ADCY5: variants seen among roughly 807,000 people sequenced by gnomAD.
ADCY5 encodes the protein adenylate cyclase type 5.
ADCY5 carries 30 observed loss-of-function variants against 119.7 expected under a neutral mutation model. The ratio of observed to expected loss-of-function variants is 0.25; its 90% CI spans 0.19 to 0.34. The LOEUF (loss-of-function observed/expected upper bound fraction) is 0.34, where lower values mean the gene tolerates loss of function less well. ADCY5 is among the 10% of genes least tolerant of loss of function. ADCY5 has a pLI of 1.00. For synonymous variants in ADCY5, 753 were observed against 762.2 expected, an observed-to-expected ratio of 0.99 and a Z score of 0.20; for missense variants, 1,324 against 1,775.2, an observed-to-expected ratio of 0.75 and a Z score of 4.57.
At chr3:123,415,359 G>C (rs1306588358) in intron 1 of ADCY5, among the ~76,000 whole-genome samples, 2 of 152,194 alleles carry the variant, frequency 1.3e-5, no homozygotes, top group East Asian at 1.9e-4. Flanking sequence ...CTCCACGCCA[G>C]AGCCAGAGTG....
intron 3 of ADCY5, among the ~76,000 whole-genome samples, chr3:123,337,501 C>T (rs35511027): frequency 0.024 from 3,599 of 152,320 alleles, 70 homozygotes; most frequent in Non-Finnish European, 0.036. Context: ...TAGGGCCCTG[C>T]TCCCGCTGAA....
chr3:123,284,455 C>T lies in ADCY5; in HGVS notation c.*153G>A. ...TGGGACAGAGGCCGCTGCCCACCAG[C>T]AAAGGCAGAAGCTGCTCTGGAGTCC... On this transcript the variant is annotated 3_prime_UTR_variant, in exon 21 of 21. Coordinates refer to ENST00000462833, the MANE Select transcript of ADCY5 (RefSeq NM_183357.3). The T allele has an allele frequency of 7.8e-7, 1 of 1,276,052 alleles. No homozygotes were observed. The highest frequency in any genetic ancestry group is 1.5e-5 in the South Asian group (1 of 67,474). 79.0% of individuals were successfully genotyped at this position (1,276,052 alleles called of 1,614,324 possible).
At chr3:123,331,318 G>A (rs1473690460) in intron 4 of ADCY5, among the ~76,000 whole-genome samples, 2 of 152,182 alleles carry the variant, frequency 1.3e-5, no homozygotes, top group Non-Finnish European at 2.9e-5. Context: ...TTGGCTGGTC[G>A]AACTGCAGCT....
intron 3 of ADCY5, among the ~76,000 whole-genome samples, chr3:123,343,494 G>C (rs1273339083): frequency 2.6e-5 from 4 of 152,162 alleles, no homozygotes; most frequent in African/African-American, 9.7e-5. Flanking sequence ...TGCTCATCTT[G>C]GTCCCTTCCA....
chr3:123,330,775 C>A, intron 5 of ADCY5, 114 bp downstream of exon 5: 1 of 1,388,452 alleles, frequency 7.2e-7, no homozygotes, highest in Non-Finnish European at 9.7e-7. Context: ...TTTTGGCAGA[C>A]AGTTTCACCC....
intron 1 of ADCY5, among the ~76,000 whole-genome samples, chr3:123,355,894 A>G (rs1052846008): frequency 7.2e-5 from 11 of 152,228 alleles, no homozygotes; most frequent in African/African-American, 2.4e-4. Context: ...GCAGACTCAT[A>G]CTACTCAATT....
chr3:123,383,781 GCACA>G (rs147271526), intron 1 of ADCY5, among the ~76,000 whole-genome samples: 1 of 151,168 alleles, frequency 6.6e-6, no homozygotes, highest in East Asian at 1.9e-4. Context: ...ATGCAGGCAG[GCACA>G]CACACACACA....
At chr3:123,305,542 G>A (rs1940152108) in intron 12 of ADCY5, among the ~76,000 whole-genome samples, 1 of 152,192 alleles carries the variant, frequency 6.6e-6, no homozygotes, top group Non-Finnish European at 1.5e-5. Flanking sequence ...GGACCTCAGT[G>A]GCAAAGGGAC....
intron 1 of ADCY5, among the ~76,000 whole-genome samples, chr3:123,411,450 G>A (rs184478136): frequency 3.9e-3 from 590 of 152,236 alleles, no homozygotes; most frequent in Non-Finnish European, 6.7e-3. Flanking sequence ...ACCTAGGGGA[G>A]GTAACACTCA....
At chr3:123,346,649 A>ATG (rs145736317) in intron 3 of ADCY5, among the ~76,000 whole-genome samples, 52 of 95,026 alleles carry the variant, frequency 5.5e-4, no homozygotes, top group East Asian at 3.8e-3. Flanking sequence ...CTCTGTGTGT[A>ATG]TGTGTGTGTG....
At chr3:123,370,925 G>A (rs1485868311) in intron 1 of ADCY5, among the ~76,000 whole-genome samples, 2 of 152,184 alleles carry the variant, frequency 1.3e-5, no homozygotes, top group Non-Finnish European at 2.9e-5. Context: ...AAGGCAGGAT[G>A]AGGCTGGAGG....
intron 1 of ADCY5, among the ~76,000 whole-genome samples, chr3:123,418,072 A>G (rs556355689): frequency 2.0e-5 from 3 of 152,300 alleles, no homozygotes; most frequent in Non-Finnish European, 4.4e-5. Flanking sequence ...GGTCTAAGTT[A>G]CAGAGCACTC....
intron 1 of ADCY5, among the ~76,000 whole-genome samples, chr3:123,421,531 A>T (rs546541080): frequency 6.6e-6 from 1 of 152,130 alleles, no homozygotes; most frequent in Non-Finnish European, 1.5e-5. Context: ...GTCCACTATG[A>T]CCATCAGATT....
chr3:123,355,206 C>A (rs1365188987), intron 1 of ADCY5, among the ~76,000 whole-genome samples: 1 of 152,112 alleles, frequency 6.6e-6, no homozygotes, highest in Non-Finnish European at 1.5e-5. Context: ...TGTAGAAGAA[C>A]CTCAAAAAAT....
At chr3:123,399,266 C>T (rs1944688730) in intron 1 of ADCY5, among the ~76,000 whole-genome samples, 1 of 152,216 alleles carries the variant, frequency 6.6e-6, no homozygotes, top group Admixed American at 6.5e-5. Flanking sequence ...TTTGGATATG[C>T]TGGGTTAAAT....
At chr3:123,333,937 C>T (rs1357233455) in intron 3 of ADCY5, among the ~76,000 whole-genome samples, 1 of 152,150 alleles carries the variant, frequency 6.6e-6, no homozygotes, top group Non-Finnish European at 1.5e-5. Context: ...AGCCCGTCAG[C>T]GTCCCTGGAA....
chr3:123,400,632 G>A lies in ADCY5; in HGVS notation c.1134+46780C>T, dbSNP rs555328178. 6.6e-5 allele frequency among the ~76,000 whole-genome samples: 10 copies of A among 152,202 alleles called. No individual in the cohort carries two copies. The South Asian group carries it at 1.2e-3, about 19-fold the overall frequency. ...CTGTAGAAAACATGCATTTGGCCAC[G>A]TGAAAGAGGCAGGATATTAAAAAGC... is the stretch of plus-strand genomic sequence containing the variant. On this transcript the variant is annotated intron_variant, in intron 1 of 20. Transcript: ENST00000462833.
At position 123,287,077 on chromosome 3, in the gene ADCY5, A is replaced by G. The variant is rs78780044; in HGVS notation, c.3533-268T>C. 3,664 of 366,176 alleles carry G rather than the reference A, an allele frequency of 0.01. 84 individuals are homozygous for G. The highest frequency in any genetic ancestry group is 0.059 in the African/African-American group (2,868 of 48,284). 22.7% of individuals were successfully genotyped at this position (366,176 alleles called of 1,614,324 possible). On this transcript the variant is annotated intron_variant, in intron 19 of 20. Transcript: ENST00000462833. ...CAAGGTCTCTAGTGACCTCCTGTGC[A>G]ATGCAGTTGCCTTTCCCTAATCCTC...
At chr3:123,433,650 G>A (rs138606206) in intron 1 of ADCY5, among the ~76,000 whole-genome samples, 90 of 152,244 alleles carry the variant, frequency 5.9e-4, no homozygotes, top group African/African-American at 2.0e-3. Context: ...AAACGCTCTA[G>A]TAAGCACCAA....
Sources: allele counts gnomAD v4.1 joint callset (sites outside exome capture counted in the v4.1 genomes callset), GRCh38; gene constraint gnomAD v4.1.1; transcripts MANE v1.5; gene names NCBI Gene and HGNC (gene_info 2026-07-23, HGNC 2026-07-21).